The following EIF4G3 variants were observed in gnomAD, a reference collection of about 807,000 sequenced individuals.
EIF4G3 encodes the protein eIF-4-gamma 3.
EIF4G3 carries 34 observed loss-of-function variants against 186.4 expected under a neutral mutation model. That is an observed-to-expected ratio of 0.18 (90% CI 0.14 to 0.24). The LOEUF (loss-of-function observed/expected upper bound fraction) is 0.24. Among genes scored for constraint, EIF4G3 ranks in the 10% least tolerant of loss-of-function variants. The pLI, the probability that EIF4G3 is intolerant of heterozygous loss-of-function variation, is 1.00. For synonymous variants in EIF4G3, 673 were observed against 679.5 expected (o/e 0.99, Z 0.15); for missense variants, 1,536 against 1,948.5 (o/e 0.79, Z 3.99).
At chr1:20,893,452 A>T (rs763520864) in intron 18 of EIF4G3, 65 bp downstream of exon 18, 2 of 1,482,194 alleles carry the variant, frequency 1.3e-6, no homozygotes, top group Non-Finnish European at 1.8e-6. Context: ...TCTTGCCATG[A>T]GGTAGGATTT....
At chr1:21,047,602 G>C (rs2093967429) in intron 4 of EIF4G3, among the ~76,000 whole-genome samples, 1 of 152,126 alleles carries the variant, frequency 6.6e-6, no homozygotes, top group Admixed American at 6.5e-5. Context: ...CCTATGAAGA[G>C]GGTACTCAAG....
At chr1:20,891,121 T>C (rs2085882546) in intron 18 of EIF4G3, among the ~76,000 whole-genome samples, 1 of 152,376 alleles carries the variant, frequency 6.6e-6, no homozygotes, top group East Asian at 1.9e-4. Context: ...GAGTGGTATA[T>C]GCTGTGATAA....
chr1:20,901,485 A>T (rs1011207048), intron 15 of EIF4G3, among the ~76,000 whole-genome samples: 1 of 152,230 alleles, frequency 6.6e-6, no homozygotes, highest in Non-Finnish European at 1.5e-5. Context: ...TTCAGATCTT[A>T]TAAAATGTGA....
chr1:21,150,828 T>G (rs1270373011), intron 2 of EIF4G3, among the ~76,000 whole-genome samples: 1 of 151,992 alleles, frequency 6.6e-6, no homozygotes, highest in African/African-American at 2.4e-5. Flanking sequence ...AATACAAAAT[T>G]AGCTGGGCAT....
chr1:20,858,772 G>A (rs992808241), intron 24 of EIF4G3, among the ~76,000 whole-genome samples: 6 of 152,034 alleles, frequency 3.9e-5, no homozygotes, highest in Non-Finnish European at 7.4e-5. Flanking sequence ...CGAGGCAGGT[G>A]GATCACAAGG....
intron 10 of EIF4G3, among the ~76,000 whole-genome samples, chr1:20,976,374 C>T (rs2076878994): frequency 1.5e-5 from 2 of 132,896 alleles, no homozygotes; most frequent in Admixed American, 1.8e-4. Flanking sequence ...GGTTTAACAA[C>T]TTAAAATTTG....
chr1:20,847,704 G>C (rs1244568847), intron 29 of EIF4G3: 1 of 437,134 alleles, frequency 2.3e-6, no homozygotes, highest in Non-Finnish European at 4.7e-6. Context: ...TTTCCAGGAG[G>C]CTAACTGATG....
intron 14 of EIF4G3, among the ~76,000 whole-genome samples, chr1:20,915,153 A>G (rs1280471827): frequency 6.6e-6 from 1 of 152,220 alleles, no homozygotes; most frequent in Non-Finnish European, 1.5e-5. Flanking sequence ...ATCATGGGTC[A>G]TATTGTTTTC....
At chr1:21,127,550 T>C (rs1200081828) in intron 2 of EIF4G3, among the ~76,000 whole-genome samples, 1 of 152,234 alleles carries the variant, frequency 6.6e-6, no homozygotes, top group Non-Finnish European at 1.5e-5. Flanking sequence ...GACATGCAAT[T>C]AATGTTTGTT....
intron 4 of EIF4G3, among the ~76,000 whole-genome samples, chr1:21,003,138 C>T (rs1313069147): frequency 6.7e-6 from 1 of 149,552 alleles, no homozygotes; most frequent in Non-Finnish European, 1.5e-5. Flanking sequence ...CTGGGACTAC[C>T]GGCACGCAGC....
At chr1:20,885,864 A>G (rs1323532599) in intron 19 of EIF4G3, among the ~76,000 whole-genome samples, 1 of 152,208 alleles carries the variant, frequency 6.6e-6, no homozygotes, top group African/African-American at 2.4e-5. Context: ...GCAATGTAAT[A>G]ATTAGGATAA....
At position 20,829,223 on chromosome 1, in the gene EIF4G3, G is replaced by A. The variant is rs2064446588; in HGVS notation, c.4111C>T (p.His1371Tyr). 1 of 1,613,858 alleles carries A rather than the reference G, an allele frequency of 6.2e-7. No individual in the cohort carries two copies. Among genetic ancestry groups the A allele is most frequent in the Non-Finnish European group, 8.5e-7 (1 of 1,179,896 alleles). The change falls in exon 31 of 37, where the codon CAT becomes TAT. Residue 1371 changes from histidine to tyrosine, a missense_variant. Physicochemically the swap from His to Tyr is moderately conservative, Grantham distance 83 (BLOSUM62 2). Coordinates refer to ENST00000602326, the MANE Select transcript of EIF4G3 (RefSeq NM_001391906.1). The part of the protein sequence containing the change: ...LADDMAIDIP[H>Y]IWLYLAELVT... ...AGTTCAGCAAGGTACAACCAAATAT[G>A]GGGAATATCAATGGCCATGTCATCT...
At chr1:20,991,048 T>C (rs1558599650) in intron 7 of EIF4G3, among the ~76,000 whole-genome samples, 1 of 152,226 alleles carries the variant, frequency 6.6e-6, no homozygotes, top group Non-Finnish European at 1.5e-5. Context: ...AGGGACAAGC[T>C]TTAAAGAGTC....
chr1:21,087,132 ATTTTC>A (rs2096010825), intron 3 of EIF4G3, among the ~76,000 whole-genome samples: 1 of 151,996 alleles, frequency 6.6e-6, no homozygotes, highest in South Asian at 2.1e-4. Flanking sequence ...AGAATTATTT[ATTTTC>A]TTATCTCCCT....
chr1:21,124,302 T>C (rs1011048558), intron 2 of EIF4G3, among the ~76,000 whole-genome samples: 12 of 138,130 alleles, frequency 8.7e-5, no homozygotes, highest in Non-Finnish European at 1.6e-4. Flanking sequence ...AAAAAAAAAA[T>C]TCAAGGTGTA....
At chr1:20,881,605 G>A (rs1314635154) in intron 19 of EIF4G3, among the ~76,000 whole-genome samples, 2 of 151,476 alleles carry the variant, frequency 1.3e-5, no homozygotes, top group African/African-American at 4.9e-5. Flanking sequence ...TGGGCAACAT[G>A]GCAAAACCCT....
At chr1:21,014,587 CCT>C (rs2088280189) in intron 4 of EIF4G3, among the ~76,000 whole-genome samples, 1 of 151,366 alleles carries the variant, frequency 6.6e-6, no homozygotes, top group Non-Finnish European at 1.5e-5. Flanking sequence ...GTTTTCAGTT[CCT>C]GTGTTAGTTC....
chr1:21,052,922 G>C (rs1351892996), intron 3 of EIF4G3, among the ~76,000 whole-genome samples: 1 of 152,168 alleles, frequency 6.6e-6, no homozygotes, highest in South Asian at 2.1e-4. Flanking sequence ...GCGTGATCTC[G>C]GCTCGCTACA....
At chr1:21,101,602 GGAGT>G (rs1304186830) in intron 2 of EIF4G3, among the ~76,000 whole-genome samples, 1 of 73,568 alleles carries the variant, frequency 1.4e-5, no homozygotes, top group African/African-American at 4.3e-5. Flanking sequence ...AGGGAGGGAG[GGAGT>G]AAGGAAGGAA....
Sources: allele counts gnomAD v4.1 joint callset (sites outside exome capture counted in the v4.1 genomes callset), GRCh38; gene constraint gnomAD v4.1.1; transcripts MANE v1.5; gene names NCBI Gene and HGNC (gene_info 2026-07-23, HGNC 2026-07-21).